Variants in UNC5D observed in about 807,000 individuals in gnomAD.
UNC5D encodes unc-5 netrin receptor D, also known as netrin receptor UNC5D.
Under a neutral mutation model 105.4 loss-of-function variants are expected in UNC5D, and 39 were observed. That is an observed-to-expected ratio of 0.37 (90% confidence interval 0.29 to 0.48). The LOEUF (loss-of-function observed/expected upper bound fraction) is 0.48, where lower values mean the gene tolerates loss of function less well. Among genes scored for constraint, UNC5D ranks in the 20% least tolerant of loss-of-function variants. The pLI, the probability that UNC5D is intolerant of heterozygous loss-of-function variation, is 0.98. For missense variants in UNC5D, 991 were observed against 1,202.4 expected, an observed-to-expected ratio of 0.82 and a Z score of 2.60; for synonymous variants, 452 against 450.4, an observed-to-expected ratio of 1.00 and a Z score of -0.04.
intron 1 of UNC5D, among the ~76,000 whole-genome samples, chr8:35,439,536 G>A (rs1236152257): frequency 6.6e-6 from 1 of 152,052 alleles, no homozygotes. Context: ...CCGTGTTTGT[G>A]ACATCGTGAA....
intron 2 of UNC5D, among the ~76,000 whole-genome samples, chr8:35,561,540 T>C (rs769992421): frequency 6.6e-6 from 1 of 152,198 alleles, no homozygotes; most frequent in Non-Finnish European, 1.5e-5. Flanking sequence ...CTGGGTATTC[T>C]TAAAATACTA....
intron 7 of UNC5D, among the ~76,000 whole-genome samples, chr8:35,687,948 G>A (rs898096513): frequency 6.6e-6 from 1 of 151,948 alleles, no homozygotes; most frequent in Non-Finnish European, 1.5e-5. Flanking sequence ...GGCTAAAACG[G>A]TGAAACCCCA....
At chr8:35,722,086 T>C in intron 8 of UNC5D, 124 bp from the exon 9 acceptor site, 1 of 1,069,120 alleles carries the variant, frequency 9.4e-7, no homozygotes, top group Non-Finnish European at 1.4e-6. Context: ...GTGTTCACTG[T>C]ACATCTGTCA....
chr8:35,671,392 T>C (rs907981611), intron 4 of UNC5D, among the ~76,000 whole-genome samples: 19 of 152,210 alleles, frequency 1.2e-4, no homozygotes, highest in Non-Finnish European at 2.4e-4. Flanking sequence ...ACAGGTTACA[T>C]TTATAATGGG....
At chr8:35,293,672 C>T (rs1197485962) in intron 1 of UNC5D, among the ~76,000 whole-genome samples, 1 of 152,208 alleles carries the variant, frequency 6.6e-6, no homozygotes, top group Non-Finnish European at 1.5e-5. Flanking sequence ...TGCACAACAT[C>T]TGGACATAAT....
intron 4 of UNC5D, among the ~76,000 whole-genome samples, chr8:35,656,392 G>T (rs752390754): frequency 3.7e-4 from 56 of 152,304 alleles, no homozygotes; most frequent in Admixed American, 2.0e-3. Flanking sequence ...GTTTTTCTGA[G>T]AAGTTGACAG....
intron 7 of UNC5D, among the ~76,000 whole-genome samples, chr8:35,687,646 A>G (rs1484677442): frequency 6.6e-6 from 1 of 152,126 alleles, no homozygotes; most frequent in East Asian, 1.9e-4. Flanking sequence ...AGGGTCAACT[A>G]GAGTCAAAGA....
At chr8:35,355,860 T>C (rs1191005354) in intron 1 of UNC5D, among the ~76,000 whole-genome samples, 1 of 152,116 alleles carries the variant, frequency 6.6e-6, no homozygotes, top group Non-Finnish European at 1.5e-5. Context: ...CAGAGTTTTC[T>C]CCTCTTGAGG....
intron 1 of UNC5D, among the ~76,000 whole-genome samples, chr8:35,247,522 C>A (rs62503914): frequency 0.28 from 32,554 of 118,298 alleles, 4,525 homozygotes; most frequent in Middle Eastern, 0.38. Flanking sequence ...CTCTCTCTCT[C>A]TATATATATA....
chr8:35,376,888 A>T (rs1052098280), intron 1 of UNC5D, among the ~76,000 whole-genome samples: 2 of 152,126 alleles, frequency 1.3e-5, no homozygotes, highest in African/African-American at 4.8e-5. Flanking sequence ...CCATCCTCTA[A>T]GGACCAGCAA....
intron 4 of UNC5D, among the ~76,000 whole-genome samples, chr8:35,618,995 G>A (rs1821191029): frequency 6.6e-6 from 1 of 152,124 alleles, no homozygotes; most frequent in African/African-American, 2.4e-5. Context: ...CATCTTGCTT[G>A]ATCTGCTACA....
At chr8:35,463,871 T>G (rs1809096950) in intron 1 of UNC5D, among the ~76,000 whole-genome samples, 1 of 152,060 alleles carries the variant, frequency 6.6e-6, no homozygotes, top group South Asian at 2.1e-4. Flanking sequence ...TGCCTGGATA[T>G]TATATATACT....
At chr8:35,269,926 C>A (rs1267874166) in intron 1 of UNC5D, among the ~76,000 whole-genome samples, 1 of 152,154 alleles carries the variant, frequency 6.6e-6, no homozygotes, top group Non-Finnish European at 1.5e-5. Context: ...GTGTTCAGTA[C>A]AGCTTTGATG....
chr8:35,445,081 T>C (rs547990880), intron 1 of UNC5D, among the ~76,000 whole-genome samples: 18 of 152,130 alleles, frequency 1.2e-4, no homozygotes, highest in African/African-American at 4.1e-4. Context: ...AAGTGATGTG[T>C]ACATCAGACC....
chr8:35,519,703 T>C (rs1813334634), intron 1 of UNC5D, among the ~76,000 whole-genome samples: 1 of 151,992 alleles, frequency 6.6e-6, no homozygotes, highest in African/African-American at 2.4e-5. Context: ...TAGAATACTA[T>C]AATGAAAATG....
chr8:35,589,021 C>T (rs149316147), intron 3 of UNC5D, among the ~76,000 whole-genome samples: 7 of 150,288 alleles, frequency 4.7e-5, no homozygotes, highest in Admixed American at 6.7e-5. Flanking sequence ...CCAGCCTGGG[C>T]GACAAGAGCA....
chr8:35,301,801 G>A (rs945702618), intron 1 of UNC5D, among the ~76,000 whole-genome samples: 1 of 152,078 alleles, frequency 6.6e-6, no homozygotes, highest in Admixed American at 6.6e-5. Context: ...TAGAAGAATG[G>A]GGAGAGGGAA....
intron 1 of UNC5D, among the ~76,000 whole-genome samples, chr8:35,308,621 CA>C (rs1226035556): frequency 6.6e-6 from 1 of 152,096 alleles, no homozygotes; most frequent in Non-Finnish European, 1.5e-5. Context: ...AAAGCTCGAT[CA>C]ATATTTATAC....
chr8:35,544,522 C>T, intron 1 of UNC5D: 1 of 1,613,298 alleles, frequency 6.2e-7, no homozygotes, highest in Non-Finnish European at 8.5e-7. Flanking sequence ...ACTTTTCCTC[C>T]CAAACTTCAC....
Sources: allele counts gnomAD v4.1 joint callset (sites outside exome capture counted in the v4.1 genomes callset), GRCh38; gene constraint gnomAD v4.1.1; transcripts MANE v1.5; gene names NCBI Gene and HGNC (gene_info 2026-07-23, HGNC 2026-07-21).